EXOC6: variants seen among roughly 807,000 people sequenced by gnomAD.
EXOC6 encodes SEC15-like 1.
Under a neutral mutation model 112.5 loss-of-function variants are expected in EXOC6, and 60 were observed. That is an observed-to-expected ratio of 0.53 (90% CI 0.43 to 0.66). The LOEUF is 0.66. Among genes scored for constraint, EXOC6 ranks in the 30% least tolerant of loss-of-function variants. EXOC6 has a pLI of 0.00. For synonymous variants in EXOC6, 295 were observed against 308.0 expected (o/e 0.96, Z 0.44); for missense variants, 855 against 957.1 (o/e 0.89, Z 1.41).
chr10:92,999,203 C>CTTTTT, intron 19 of EXOC6: 1 of 352,200 alleles, frequency 2.8e-6, no homozygotes, highest in Non-Finnish European at 5.3e-6. Flanking sequence ...CTAAGAAACA[C>CTTTTT]TTTTTTTTTT....
chr10:93,047,582 G>A (rs1229214462), intron 20 of EXOC6, among the ~76,000 whole-genome samples: 1 of 151,518 alleles, frequency 6.6e-6, no homozygotes, highest in East Asian at 1.9e-4. Context: ...AGAAGAAGGT[G>A]GAAGAAAGTA....
intron 1 of EXOC6, among the ~76,000 whole-genome samples, chr10:92,887,792 C>T (rs1262340226): frequency 6.6e-6 from 1 of 152,146 alleles, no homozygotes; most frequent in South Asian, 2.1e-4. Context: ...ACTTTCTAGG[C>T]TTTTTCTAGG....
chr10:92,875,531 T>C (rs1848646743), intron 1 of EXOC6, among the ~76,000 whole-genome samples: 1 of 152,314 alleles, frequency 6.6e-6, no homozygotes, highest in East Asian at 1.9e-4. Context: ...TTCATACATA[T>C]CTCATGAATT....
At chr10:92,827,448 T>C (rs1846403225) in intron 1 of EXOC6, among the ~76,000 whole-genome samples, 1 of 110,392 alleles carries the variant, frequency 9.1e-6, no homozygotes, top group South Asian at 3.2e-4. Context: ...CACTGCAGCC[T>C]GGGCGACAGA....
chr10:93,056,910 C>T lies in EXOC6; in HGVS notation c.2170-14C>T, dbSNP rs758718273. On this transcript the variant is annotated splice_polypyrimidine_tract_variant and intron_variant, in intron 20 of 21. Transcript: ENST00000260762. ...AATCAAAAGTTGATTTAACATTTCC[C>T]CCATCTTTCGCAGCTCCTTGACCTG... 2 of 1,444,498 alleles carry T rather than the reference C, an allele frequency of 1.4e-6. No individual in the cohort carries two copies. Among genetic ancestry groups the T allele is most frequent in the Admixed American group, 1.8e-5 (1 of 55,318 alleles). The allele number at this position is 1,444,498 out of a possible 1,614,324, so 89.5% of individuals were successfully genotyped here.
At chr10:92,994,158 G>A (rs1843381305) in intron 18 of EXOC6, among the ~76,000 whole-genome samples, 1 of 152,214 alleles carries the variant, frequency 6.6e-6, no homozygotes, top group Non-Finnish European at 1.5e-5. Context: ...GTTGAATGCA[G>A]TCCATAAATC....
At chr10:92,919,317 ATAATT>A (rs72001142) in intron 7 of EXOC6, among the ~76,000 whole-genome samples, 44,466 of 151,936 alleles carry the variant, frequency 0.29, 7,276 homozygotes, top group East Asian at 0.73. Flanking sequence ...TATAGTAAAA[ATAATT>A]TAAGTTCACT....
chr10:93,031,404 C>G (rs1443077679), intron 20 of EXOC6, among the ~76,000 whole-genome samples: 3 of 151,820 alleles, frequency 2.0e-5, no homozygotes, highest in African/African-American at 7.3e-5. Context: ...CTTATCAACT[C>G]TTACAGCTTG....
chr10:92,828,324 G>A (rs555139827), intron 1 of EXOC6, among the ~76,000 whole-genome samples: 1 of 152,292 alleles, frequency 6.6e-6, no homozygotes, highest in East Asian at 1.9e-4. Flanking sequence ...CAGCAAACAA[G>A]ATATTAGTGT....
chr10:93,052,192 A>C (rs1846327422), intron 20 of EXOC6, among the ~76,000 whole-genome samples: 1 of 152,258 alleles, frequency 6.6e-6, no homozygotes, highest in Admixed American at 6.5e-5. Context: ...TTAAAAAGGC[A>C]AAAAGTCACT....
chr10:92,878,913 A>T (rs116818184), intron 1 of EXOC6, among the ~76,000 whole-genome samples: 1 of 152,332 alleles, frequency 6.6e-6, no homozygotes, highest in East Asian at 1.9e-4. Flanking sequence ...AGAAATCAAC[A>T]AACTGAGGCC....
At chr10:93,047,793 A>G (rs1036539565) in intron 20 of EXOC6, among the ~76,000 whole-genome samples, 3 of 152,052 alleles carry the variant, frequency 2.0e-5, no homozygotes, top group African/African-American at 7.2e-5. Flanking sequence ...CTAAAATACA[A>G]AGATTAGCTG....
intron 20 of EXOC6, among the ~76,000 whole-genome samples, chr10:93,028,611 G>T (rs1366065979): frequency 2.6e-5 from 4 of 152,176 alleles, no homozygotes; most frequent in Admixed American, 2.6e-4. Context: ...GAGGCAGGTG[G>T]ATCACCTGAG....
chr10:92,896,117 A>ATGTG lies in EXOC6; in HGVS notation c.412+1098_412+1099insGTGT, dbSNP rs1245572073. Among the ~76,000 whole-genome samples, 32 of 66,286 alleles carry ATGTG rather than the reference A, an allele frequency of 4.8e-4. 2 individuals carry two copies. Among genetic ancestry groups the ATGTG allele is most frequent in the African/African-American group, 1.9e-3 (29 of 15,430 alleles). The allele number at this position is 66,286 out of a possible 152,430, so 43.5% of individuals were successfully genotyped here. On this transcript the variant is annotated intron_variant, in intron 4 of 21. Coordinates refer to ENST00000260762, the MANE Select transcript of EXOC6 (RefSeq NM_019053.6). ...TATGTGTGTATATATATGTGTATAT[A>ATGTG]TATGTGTGTGTGTGTGTGTGTATGT...
intron 1 of EXOC6, among the ~76,000 whole-genome samples, chr10:92,858,179 T>C (rs1356326629): frequency 1.3e-5 from 2 of 152,174 alleles, no homozygotes; most frequent in African/African-American, 4.8e-5. Flanking sequence ...CTCTCATTAT[T>C]TTACTATGAT....
chr10:92,956,441 T>A (rs1302266794), intron 17 of EXOC6, among the ~76,000 whole-genome samples: 1 of 152,156 alleles, frequency 6.6e-6, no homozygotes, highest in Non-Finnish European at 1.5e-5. Flanking sequence ...TTTAACTACT[T>A]TTGTTATATT....
chr10:92,937,785 T>A (rs1208216891), intron 12 of EXOC6, among the ~76,000 whole-genome samples: 1 of 152,176 alleles, frequency 6.6e-6, no homozygotes, highest in African/African-American at 2.4e-5. Context: ...ATTTTTGCCA[T>A]GGAGAGCAAA....
intron 12 of EXOC6, among the ~76,000 whole-genome samples, chr10:92,939,120 A>G (rs569985986): frequency 9.9e-5 from 15 of 152,268 alleles, no homozygotes; most frequent in Non-Finnish European, 1.8e-4. Context: ...GACCCAGATT[A>G]TGGGACATCT....
At chr10:92,896,181 A>ATT (rs58783356) in intron 4 of EXOC6, among the ~76,000 whole-genome samples, 1 of 10,228 alleles carries the variant, frequency 9.8e-5, no homozygotes, top group Non-Finnish European at 1.4e-4. Flanking sequence ...ATATATATAT[A>ATT]TTTTTTTTTT....
Sources: gnomAD v4.1 joint callset for allele counts (sites outside exome capture counted in the v4.1 genomes callset) on GRCh38, gnomAD v4.1.1 for gene constraint, MANE v1.5 for transcripts, NCBI Gene and HGNC (gene_info 2026-07-23, HGNC 2026-07-21) for gene names.